The following TRIP12 variants were observed in gnomAD, a reference collection of about 807,000 sequenced individuals.
TRIP12 encodes thyroid hormone receptor interactor 12, also known as E3 ubiquitin-protein ligase TRIP12.
TRIP12 carries 25 observed loss-of-function variants against 244.2 expected under a neutral mutation model. The ratio of observed to expected loss-of-function variants is 0.10; its 90% CI spans 0.07 to 0.14. The LOEUF (loss-of-function observed/expected upper bound fraction) is 0.14. TRIP12 is among the 10% of genes least tolerant of loss of function. TRIP12 has a pLI of 1.00. For synonymous variants in TRIP12, 905 were observed against 873.1 expected, an observed-to-expected ratio of 1.04 and a Z score of -0.64; for missense variants, 1,677 against 2,486.4, an observed-to-expected ratio of 0.67 and a Z score of 6.92.
chr2:229,820,902 TTCCAATC>T (rs1212768736), intron 8 of TRIP12, among the ~76,000 whole-genome samples: 1 of 152,208 alleles, frequency 6.6e-6, no homozygotes, highest in Non-Finnish European at 1.5e-5. Context: ...AACACTGTAT[TTCCAATC>T]TGAATTTGGT....
chr2:229,807,936 A>C, intron 16 of TRIP12, 72 bp from the exon 17 acceptor site: 1 of 1,459,576 alleles, frequency 6.9e-7, no homozygotes, highest in Non-Finnish European at 9.2e-7. Context: ...CTAAAGAAAA[A>C]TAATCTCACA....
At chr2:229,793,964 C>T (rs2042180439) in intron 26 of TRIP12, among the ~76,000 whole-genome samples, 1 of 151,956 alleles carries the variant, frequency 6.6e-6, no homozygotes, top group South Asian at 2.1e-4. Context: ...CCCTCCTGCA[C>T]ATAAAGCACA....
intron 37 of TRIP12, 97 bp downstream of exon 37, chr2:229,777,218 T>C (rs1332819923): frequency 2.3e-6 from 3 of 1,330,676 alleles, no homozygotes; most frequent in Non-Finnish European, 3.1e-6. Flanking sequence ...AAATAAAACA[T>C]TAATATAACA....
chr2:229,781,140 G>C (rs2038018560), intron 34 of TRIP12, among the ~76,000 whole-genome samples: 1 of 152,182 alleles, frequency 6.6e-6, no homozygotes. Context: ...GGTCATGTTT[G>C]CTTTGCTGAT....
chr2:229,808,386 CA>C lies in TRIP12; in HGVS notation c.2222-18del. The C allele has an allele frequency of 6.4e-7, 1 of 1,567,274 alleles. No homozygotes were observed. On this transcript the variant is annotated intron_variant, in intron 15 of 41. Transcript: ENST00000675903. ...CTGCAATGTCTGTAAAAACCAACAA[CA>C]AAAAACAAAAGGCTATTAAACTAGT...
chr2:229,900,139 G>C (rs751634422), intron 1 of TRIP12, among the ~76,000 whole-genome samples: 6 of 152,162 alleles, frequency 3.9e-5, no homozygotes, highest in Non-Finnish European at 8.8e-5. Context: ...GTTATACAAA[G>C]GAAGCTCTTA....
chr2:229,831,049 T>C, intron 6 of TRIP12: 1 of 696,622 alleles, frequency 1.4e-6, no homozygotes, highest in Non-Finnish European at 2.6e-6. Context: ...ATTAAAAAGG[T>C]TGTATTTTTA....
chr2:229,785,493 A>G (rs1278030739), intron 34 of TRIP12, among the ~76,000 whole-genome samples: 4 of 152,260 alleles, frequency 2.6e-5, no homozygotes, highest in African/African-American at 9.6e-5. Context: ...ACATTTTGAA[A>G]GTTATCAGCT....
intron 1 of TRIP12, among the ~76,000 whole-genome samples, chr2:229,914,715 G>A (rs986808102): frequency 1.3e-5 from 2 of 152,130 alleles, no homozygotes; most frequent in East Asian, 1.9e-4. Context: ...TGAAGTCAGG[G>A]TAGAACTCAT....
chr2:229,774,212 C>T lies in TRIP12; in HGVS notation c.5579G>A (p.Cys1860Tyr). ...YALETLTMNG[C>Y]SVEDLGLDFT... ...ATCCAGTCCTAGATCTTCAACTGAG[C>T]AGCCATTCATAGTCAAGGTTTCTAA... The change falls in exon 38 of 42, where the codon TGC (cysteine) becomes TAC (tyrosine). Residue 1860 changes from cysteine (C) to tyrosine (Y), a missense_variant. Physicochemically the swap from Cys to Tyr is radical, Grantham distance 194. Transcript: ENST00000675903. 6.2e-7 allele frequency: 1 copy of T among 1,614,176 alleles called. No individual in the cohort carries two copies. Among genetic ancestry groups the T allele is most frequent in the Non-Finnish European group, 8.5e-7 (1 of 1,180,014 alleles).
At position 229,867,174 on chromosome 2, in the gene TRIP12, T is replaced by TG. The variant is rs1185297243; in HGVS notation, c.99-6644_99-6643insC. On this transcript the variant is annotated intron_variant, in intron 2 of 41. Coordinates refer to ENST00000675903, the MANE Select transcript of TRIP12 (RefSeq NM_001348323.3). ...GTTTTTTTTTGTTTGTTTGTTTGTT[T>TG]TTTTTTTTTGAGACAGATACTCACT... is the stretch of plus-strand genomic sequence containing the variant. 3.9e-4 allele frequency among the ~76,000 whole-genome samples: 58 copies of TG among 147,684 alleles called. 1 individual carries two copies. Among genetic ancestry groups the TG allele is most frequent in the African/African-American group, 9.1e-4 (36 of 39,720 alleles).
chr2:229,863,650 C>G (rs2060845553), intron 2 of TRIP12, among the ~76,000 whole-genome samples: 1 of 152,132 alleles, frequency 6.6e-6, no homozygotes, highest in Non-Finnish European at 1.5e-5. Flanking sequence ...CAAAATGGAG[C>G]TCTATTTTAT....
chr2:229,830,806 G>A lies in TRIP12; in HGVS notation c.1304C>T (p.Thr435Ile). 6.2e-7 allele frequency: 1 copy of A among 1,614,134 alleles called. No individual in the cohort carries two copies. The highest frequency in any genetic ancestry group is 8.5e-7 in the Non-Finnish European group (1 of 1,180,020). ...ATCTGATTCACTCTCCCCAGAGGTG[G>A]TCATGCCAACAGCCCCTGCAACAGA... is the stretch of plus-strand genomic sequence containing the variant. ...SSSVAGAVGM[T>I]TSGESESDDS... Residue 435 changes from threonine to isoleucine, a missense_variant, in exon 7 of 42, where the codon ACC becomes ATC. This residue lies in a region of TRIP12 where 143 missense variants were observed against 215.6 expected (regional missense o/e 0.66). Coordinates refer to ENST00000675903, the MANE Select transcript of TRIP12 (RefSeq NM_001348323.3).
chr2:229,812,268 A>G (rs1391016223), intron 13 of TRIP12, among the ~76,000 whole-genome samples: 1 of 151,784 alleles, frequency 6.6e-6, no homozygotes, highest in Non-Finnish European at 1.5e-5. Flanking sequence ...TTTAGTACAG[A>G]TGGGGTTTCA....
At chr2:229,904,010 T>A (rs554915120) in intron 1 of TRIP12, among the ~76,000 whole-genome samples, 2 of 152,254 alleles carry the variant, frequency 1.3e-5, no homozygotes, top group South Asian at 4.1e-4. Context: ...CACTCCCGCC[T>A]GGGCAACTGA....
intron 2 of TRIP12, among the ~76,000 whole-genome samples, chr2:229,877,224 A>T (rs1313300999): frequency 6.6e-6 from 1 of 152,096 alleles, no homozygotes; most frequent in African/African-American, 2.4e-5. Context: ...CTAAAAATAA[A>T]ATAAAAACAT....
chr2:229,895,013 A>G (rs1304778952), intron 1 of TRIP12, among the ~76,000 whole-genome samples: 1 of 152,220 alleles, frequency 6.6e-6, no homozygotes, highest in African/African-American at 2.4e-5. Flanking sequence ...CAGAATATAC[A>G]TAACACTCAA....
At chr2:229,840,664 T>A (rs1424750332) in intron 5 of TRIP12, among the ~76,000 whole-genome samples, 158 bp downstream of exon 5, 1 of 152,116 alleles carries the variant, frequency 6.6e-6, no homozygotes, top group Non-Finnish European at 1.5e-5. Context: ...ATCGCGCCAC[T>A]GCACTCCAGC....
intron 22 of TRIP12, 40 bp from the exon 23 acceptor site, chr2:229,799,089 T>C (rs2043534271): frequency 6.2e-7 from 1 of 1,604,732 alleles, no homozygotes; most frequent in African/African-American, 1.3e-5. Context: ...GTCATTTTAG[T>C]TTAAGTGATG....
Sources: allele counts gnomAD v4.1 joint callset (sites outside exome capture counted in the v4.1 genomes callset), GRCh38; gene constraint gnomAD v4.1.1; regional missense constraint gnomAD v4.1.1; transcripts MANE v1.5; gene names NCBI Gene and HGNC (gene_info 2026-07-23, HGNC 2026-07-21).